The following EYS variants were observed in gnomAD, a reference collection of about 807,000 sequenced individuals.
EYS encodes the protein protein eyes shut homolog.
Under a neutral mutation model 282.1 loss-of-function variants are expected in EYS, and 250 were observed. The ratio of observed to expected loss-of-function variants is 0.89; its 90% CI spans 0.80 to 0.98. The LOEUF is 0.98. Among genes scored for constraint, EYS ranks in the 50% least tolerant of loss-of-function variants. EYS has a pLI of 0.00. For synonymous variants in EYS, 1,355 were observed against 1,282.9 expected (o/e 1.06, Z -1.20); for missense variants, 4,016 against 3,709.0 (o/e 1.08, Z -2.15).
intron 13 of EYS, among the ~76,000 whole-genome samples, chr6:65,047,131 T>C (rs1773128422): frequency 6.6e-6 from 1 of 151,642 alleles, no homozygotes; most frequent in Non-Finnish European, 1.5e-5. Context: ...CAGTCTCAGG[T>C]AATTCTTTAT....
At chr6:63,938,283 A>T (rs1461353516) in intron 35 of EYS, among the ~76,000 whole-genome samples, 1 of 152,204 alleles carries the variant, frequency 6.6e-6, no homozygotes, top group Non-Finnish European at 1.5e-5. Flanking sequence ...CTTGGAGTCG[A>T]GTCTGCTGCT....
chr6:64,196,672 C>T (rs1446686798), intron 31 of EYS, among the ~76,000 whole-genome samples: 6 of 147,954 alleles, frequency 4.1e-5, no homozygotes, highest in African/African-American at 1.5e-4. Flanking sequence ...CATGTTCTCA[C>T]TCATAGATGG....
chr6:65,590,059 A>G (rs1046738726), intron 2 of EYS, among the ~76,000 whole-genome samples: 5 of 152,104 alleles, frequency 3.3e-5, no homozygotes, highest in Non-Finnish European at 5.9e-5. Flanking sequence ...ATTACAGCAC[A>G]ATACTAGAGA....
At chr6:65,554,229 C>A (rs1768707001) in intron 2 of EYS, among the ~76,000 whole-genome samples, 1 of 151,994 alleles carries the variant, frequency 6.6e-6, no homozygotes, top group Non-Finnish European at 1.5e-5. Context: ...TTATAGTAGC[C>A]CACAGATACA....
chr6:64,688,000 G>C lies in EYS; in HGVS notation c.3444-61755C>G, dbSNP rs1210527378. ...TTATCAATTTCTTCTAGATTTTCTA[G>C]TTTATTTGTGTAGAGGTGTTTATAG... On this transcript the variant is annotated intron_variant, in intron 22 of 42. Transcript: ENST00000503581. Among the ~76,000 whole-genome samples the C allele has an allele frequency of 2.0e-5, 3 of 152,138 alleles. No homozygotes were observed. The East Asian group carries it at 5.8e-4, about 29-fold the overall frequency.
intron 21 of EYS, among the ~76,000 whole-genome samples, chr6:64,816,020 G>T (rs1156508890): frequency 1.3e-5 from 2 of 152,056 alleles, no homozygotes; most frequent in Non-Finnish European, 2.9e-5. Context: ...GCCTAGAAAA[G>T]GAAATTACCC....
chr6:64,937,481 T>C (rs757111394), intron 15 of EYS, among the ~76,000 whole-genome samples: 2 of 151,670 alleles, frequency 1.3e-5, no homozygotes, highest in Non-Finnish European at 3.0e-5. Context: ...GAGCAAATGA[T>C]ATGAGGAGAT....
intron 31 of EYS, among the ~76,000 whole-genome samples, chr6:64,167,359 G>C (rs1562234591): frequency 1.3e-5 from 2 of 152,164 alleles, no homozygotes; most frequent in African/African-American, 4.8e-5. Context: ...ATGGATTATT[G>C]ATGTTTAAGT....
At position 65,004,882 on chromosome 6, in the gene EYS, C is replaced by A. The variant is rs904300353; in HGVS notation, c.2138-7179G>T. On this transcript the variant is annotated intron_variant, in intron 13 of 42. Transcript: ENST00000503581. ...CATCTAACAAAGTACCAGCAGGTAG[C>A]AATGATAAGTGACAGCATTTTTAAA... 2.7e-5 allele frequency among the ~76,000 whole-genome samples: 4 copies of A among 147,804 alleles called. 1 individual carries two copies. Among genetic ancestry groups the A allele is most frequent in the African/African-American group, 9.7e-5 (4 of 41,178 alleles).
rs372349915 is a variant in EYS, at chr6:64,449,372, A to G, written c.5645-10020T>C. ...GGGACTACGTGAAAAGACCAACTCTACGTCTCATTGGTGTACCTGAAAGTG... is the reference window on the plus strand; with the variant it reads ...GGGACTACGTGAAAAGACCAACTCTGCGTCTCATTGGTGTACCTGAAAGTG... On this transcript the variant is annotated intron_variant, in intron 26 of 42. Transcript: ENST00000503581. Among the ~76,000 whole-genome samples the G allele has an allele frequency of 1.1e-4, 16 of 152,326 alleles. No homozygotes were observed. In the East Asian group the frequency reaches 2.5e-3, roughly 24 times the overall value.
At chr6:64,721,246 T>G (rs1227403861) in intron 22 of EYS, among the ~76,000 whole-genome samples, 1 of 152,148 alleles carries the variant, frequency 6.6e-6, no homozygotes, top group East Asian at 1.9e-4. Context: ...AATATGTCAC[T>G]TAATGATAGT....
At chr6:63,826,863 A>AAAAAAAAAAAAAAAAAAAAAAAC (rs1771481042) in intron 36 of EYS, among the ~76,000 whole-genome samples, 1 of 129,200 alleles carries the variant, frequency 7.7e-6, no homozygotes, top group African/African-American at 3.2e-5. Context: ...AAAAAAAAAA[A>AAAAAAAAAAAAAAAAAAAAAAAC]AGGACAAAAA....
chr6:64,997,318 G>A (rs1322619902), intron 14 of EYS, among the ~76,000 whole-genome samples: 1 of 151,976 alleles, frequency 6.6e-6, no homozygotes, highest in African/African-American at 2.4e-5. Context: ...ATTCAATATT[G>A]CCACAAGTTG....
intron 26 of EYS, among the ~76,000 whole-genome samples, chr6:64,455,740 T>G (rs1220001426): frequency 1.3e-5 from 2 of 152,112 alleles, no homozygotes; most frequent in Non-Finnish European, 2.9e-5. Context: ...TTACTGAGAA[T>G]GATGGTTTCT....
chr6:64,302,427 T>C (rs1295388762), intron 30 of EYS, among the ~76,000 whole-genome samples: 2 of 152,186 alleles, frequency 1.3e-5, no homozygotes, highest in African/African-American at 2.4e-5. Flanking sequence ...CATGGATCAA[T>C]TGATACCAAC....
At chr6:64,078,522 G>A (rs76273656) in intron 32 of EYS, among the ~76,000 whole-genome samples, 1 of 151,940 alleles carries the variant, frequency 6.6e-6, no homozygotes, top group Non-Finnish European at 1.5e-5. Context: ...ATTCTGCTGA[G>A]GTATTCCCAA....
chr6:65,631,129 G>C (rs151299479), intron 2 of EYS, among the ~76,000 whole-genome samples: 118 of 152,232 alleles, frequency 7.8e-4, no homozygotes, highest in Non-Finnish European at 1.3e-3. Context: ...ATTAATGGGA[G>C]ACCCCTGTAA....
At position 64,168,000 on chromosome 6, in the gene EYS, C is replaced by T. The variant is rs576592273; in HGVS notation, c.6424+62592G>A. On this transcript the variant is annotated intron_variant, in intron 31 of 42. Transcript: ENST00000503581. ...ACAATAGGCCAGGCGCAGTGGCTCA[C>T]GCCTGTAATCGCAGCACTTTGGGAG... Among the ~76,000 whole-genome samples, 7 of 152,296 alleles carry T rather than the reference C, an allele frequency of 4.6e-5. No individual in the cohort carries two copies. In the South Asian group the frequency reaches 6.2e-4, roughly 14 times the overall value.
At chr6:64,236,074 A>G (rs1766596224) in intron 30 of EYS, among the ~76,000 whole-genome samples, 2 of 152,254 alleles carry the variant, frequency 1.3e-5, no homozygotes, top group African/African-American at 4.8e-5. Flanking sequence ...AAAATCCTCA[A>G]TAAAATACTG....
Sources: gnomAD v4.1 joint callset for allele counts (sites outside exome capture counted in the v4.1 genomes callset) on GRCh38, gnomAD v4.1.1 for gene constraint, MANE v1.5 for transcripts, NCBI Gene and HGNC (gene_info 2026-07-23, HGNC 2026-07-21) for gene names.